The following TEDC1 variants were observed in gnomAD, a reference collection of about 807,000 sequenced individuals.
TEDC1 encodes the protein tubulin epsilon and delta complex 1, also known as tubulin epsilon and delta complex protein 1.
A neutral mutation model predicts 59.9 loss-of-function variants in TEDC1; 54 were observed. The observed-to-expected ratio is 0.90, with a 90% CI of 0.72 to 1.13. The LOEUF is 1.13. Among genes scored for constraint, TEDC1 ranks in the 50% most tolerant of loss-of-function variants. TEDC1 has a pLI of 0.00. For synonymous variants in TEDC1, 353 were observed against 298.1 expected (o/e 1.18, Z -1.90); for missense variants, 734 against 683.4 (o/e 1.07, Z -0.83).
In TEDC1 at chr14:105,491,430, C is replaced by G; in HGVS notation, c.55C>G (p.Leu19Val). ...CGCGGCTGGGGCCCGGGCCGGGGCC[C>G]TGCCTGAGGCCATCGCCGCGTTGAG... ...DPAAGARAGA[L>V]PEAIAALSRS... Residue 19 changes from leucine (L) to valine (V), a missense_variant, in exon 1 of 9, where the codon CTG (leucine) becomes GTG (valine). Coordinates refer to ENST00000392523, the MANE Select transcript of TEDC1 (RefSeq NM_001367178.1). The G allele has an allele frequency of 7.0e-7, 1 of 1,429,364 alleles. No homozygotes were observed. Among genetic ancestry groups the G allele is most frequent in the Non-Finnish European group, 9.1e-7 (1 of 1,099,950 alleles). The allele number at this position is 1,429,364 out of a possible 1,614,324, so 88.5% of individuals were successfully genotyped here.
At chr14:105,492,852 C>A in intron 4 of TEDC1, 118 bp downstream of exon 4, 1 of 1,360,050 alleles carries the variant, frequency 7.4e-7, no homozygotes, top group Non-Finnish European at 9.8e-7. Context: ...GGATGTGGGC[C>A]TTCCTGCCCT....
At chr14:105,492,400 C>A in intron 3 of TEDC1, 91 bp downstream of exon 3, 1 of 1,546,946 alleles carries the variant, frequency 6.5e-7, no homozygotes, top group Non-Finnish European at 8.7e-7. Context: ...CCTCTGTCTG[C>A]TTTGCTCCTC....
In TEDC1 at chr14:105,491,338, C is replaced by T; in HGVS notation, c.-38C>T. 1 of 1,461,252 alleles carries T rather than the reference C, an allele frequency of 6.8e-7. No individual in the cohort carries two copies. The highest frequency in any genetic ancestry group is 9.0e-7 in the Non-Finnish European group (1 of 1,111,224). 90.5% of individuals were successfully genotyped at this position (1,461,252 alleles called of 1,614,324 possible). A position where few individuals can be genotyped will look rare whatever the true frequency, so the allele number is the denominator to read the frequency against. ...ATTGGACGCAGGCCCCGGGCCGCGG[C>T]GGAGGCGGGCGATCCGAAAGAGGCT... On this transcript the variant is annotated 5_prime_UTR_variant, in exon 1 of 9. Coordinates refer to ENST00000392523, the MANE Select transcript of TEDC1 (RefSeq NM_001367178.1).
At chr14:105,494,257 G>C (rs1365971956) in intron 5 of TEDC1, 1 of 403,226 alleles carries the variant, frequency 2.5e-6, no homozygotes, top group Non-Finnish European at 4.6e-6. Flanking sequence ...TCTCAGGTGT[G>C]AGCTGGTGGT....
At chr14:105,496,146 G>GCCCCCCCC in intron 6 of TEDC1, 60 bp downstream of exon 6, 1 of 331,606 alleles carries the variant, frequency 3.0e-6, no homozygotes, top group Non-Finnish European at 5.9e-6. Flanking sequence ...GGGTGGGAGG[G>GCCCCCCCC]GGTGGCGAGG....
upstream of TEDC1, chr14:105,491,154 G>C: frequency 3.2e-6 from 5 of 1,550,982 alleles, no homozygotes; most frequent in Non-Finnish European, 4.4e-6. Context: ...GCGGTGATTG[G>C]GTACAGGTCT....
At position 105,491,404 on chromosome 14, in the gene TEDC1, C is replaced by G; in HGVS notation, c.29C>G (p.Pro10Arg). 1 of 1,417,946 alleles carries G rather than the reference C, an allele frequency of 7.1e-7. No homozygotes were observed. Among genetic ancestry groups the G allele is most frequent in the Non-Finnish European group, 9.1e-7 (1 of 1,095,524 alleles). The allele number at this position is 1,417,946 out of a possible 1,614,324, so 87.8% of individuals were successfully genotyped here. ...GGGAGGCGGCGGCAGCGGGTGGACC[C>G]CGCGGCTGGGGCCCGGGCCGGGGCC... MGRRRQRVD[P>R]AAGARAGALP... The change falls in exon 1 of 9, where the codon CCC (proline) becomes CGC (arginine). Residue 10 changes from proline (P) to arginine (R), a missense_variant. Pro to Arg is a moderately radical substitution (Grantham distance 103). Transcript: ENST00000392523.
intron 6 of TEDC1, chr14:105,497,146 A>G: frequency 3.2e-6 from 2 of 631,446 alleles, no homozygotes; most frequent in Non-Finnish European, 5.6e-6. Flanking sequence ...CACTGCAGAA[A>G]GGACAGGTGG....
chr14:105,498,780 CAG>C lies in TEDC1; in HGVS notation c.1323_1324del (p.Asp443ProfsTer128), dbSNP rs1555441057. ...CTGGTGAGACGAGAGGATGGGGCAG[CAG>C]GGGACCGGGACCTGCGGGCAGCTGT... On this transcript the variant is annotated frameshift_variant, in exon 9 of 9. Transcript: ENST00000392523. LOFTEE classifies it high-confidence loss of function. 2 of 1,574,710 alleles carry C rather than the reference CAG, an allele frequency of 1.3e-6. No individual in the cohort carries two copies. Among genetic ancestry groups the C allele is most frequent in the South Asian group, 2.3e-5 (2 of 86,192 alleles).
At chr14:105,492,472 G>A (rs2084238523) in intron 3 of TEDC1, 107 bp from the exon 4 acceptor site, 1 of 1,467,904 alleles carries the variant, frequency 6.8e-7, no homozygotes. Context: ...TCCCTGTGCA[G>A]GGAGCACCCG....
intron 4 of TEDC1, among the ~76,000 whole-genome samples, chr14:105,493,634 A>G (rs1223007465): frequency 2.0e-5 from 3 of 152,092 alleles, no homozygotes; most frequent in Non-Finnish European, 4.4e-5. Context: ...GCCCCCTTGC[A>G]GGAGACCCCA....
chr14:105,491,814 C>A (rs900446074), intron 2 of TEDC1, 114 bp downstream of exon 2: 3 of 1,239,402 alleles, frequency 2.4e-6, no homozygotes, highest in Admixed American at 4.2e-5. Context: ...CCACCCAACA[C>A]TGACCCCGCT....
intron 8 of TEDC1, among the ~76,000 whole-genome samples, chr14:105,498,363 G>A (rs587688785): frequency 3.9e-5 from 6 of 152,326 alleles, no homozygotes; most frequent in African/African-American, 1.2e-4. Flanking sequence ...AGAGCTGCCC[G>A]CTTAACCTGC....
chr14:105,494,169 G>A (rs1328045020), intron 5 of TEDC1: 2 of 577,576 alleles, frequency 3.5e-6, no homozygotes, highest in Non-Finnish European at 6.2e-6. Context: ...CGTGGCACGG[G>A]TGGGGGCCCA....
chr14:105,496,146 G>GGGGGGGGGGGGCCCCC, intron 6 of TEDC1, 60 bp downstream of exon 6: 1 of 331,606 alleles, frequency 3.0e-6, no homozygotes, highest in Non-Finnish European at 5.9e-6. Flanking sequence ...GGGTGGGAGG[G>GGGGGGGGGGGGCCCCC]GGTGGCGAGG....
intron 1 of TEDC1, 36 bp from the exon 2 acceptor site, chr14:105,491,586 C>A (rs587659699): frequency 7.9e-5 from 123 of 1,547,822 alleles, no homozygotes; most frequent in Non-Finnish European, 9.7e-5. Flanking sequence ...GGAGTTGGGC[C>A]GGCTCCGCTG....
chr14:105,492,460 G>C, intron 3 of TEDC1, 119 bp from the exon 4 acceptor site: 1 of 1,462,458 alleles, frequency 6.8e-7, no homozygotes. Flanking sequence ...AAGCACGGAG[G>C]CTCCCTGTGC....
chr14:105,497,672 G>A (rs1221960135), intron 7 of TEDC1, 126 bp from the exon 8 acceptor site: 34 of 1,283,948 alleles, frequency 2.6e-5, no homozygotes, highest in African/African-American at 6.0e-5. Flanking sequence ...CTCCCTGGAC[G>A]TCACAGTTGC....
chr14:105,492,060 C>T (rs1555439500), intron 2 of TEDC1, 47 bp from the exon 3 acceptor site: 1 of 1,538,068 alleles, frequency 6.5e-7, no homozygotes, highest in South Asian at 1.2e-5. Context: ...CAGGTGGTGT[C>T]ACCTCCAGGT....
Sources: gnomAD v4.1 joint callset for allele counts (sites outside exome capture counted in the v4.1 genomes callset) on GRCh38, gnomAD v4.1.1 for gene constraint, MANE v1.5 for transcripts, NCBI Gene and HGNC (gene_info 2026-07-23, HGNC 2026-07-21) for gene names.